Variants in MYH9 observed in about 807,000 individuals in gnomAD.
MYH9 encodes the protein myosin heavy chain 9.
Under a neutral mutation model 241.9 loss-of-function variants are expected in MYH9, and 29 were observed. The ratio of observed to expected loss-of-function variants is 0.12; its 90% CI spans 0.09 to 0.16. The LOEUF is 0.16. Ranked by LOEUF, MYH9 falls within the 10% of genes least tolerant of loss-of-function variation. MYH9 has a pLI of 1.00. For missense variants in MYH9, 1,803 were observed against 2,595.5 expected (o/e 0.69, Z 6.63); for synonymous variants, 1,047 against 1,062.6 (o/e 0.99, Z 0.29).
intron 10 of MYH9, among the ~76,000 whole-genome samples, chr22:36,318,772 T>A (rs1301247978): frequency 6.6e-6 from 1 of 152,128 alleles, no homozygotes; most frequent in Admixed American, 6.5e-5. Context: ...AATGTCTTTT[T>A]TTTTTTTTGA....
intron 14 of MYH9, among the ~76,000 whole-genome samples, chr22:36,310,072 A>G (rs969342693): frequency 6.6e-6 from 1 of 152,036 alleles, no homozygotes; most frequent in Non-Finnish European, 1.5e-5. Context: ...CAACATGGCA[A>G]AACCCCATCT....
Position 36,329,369 on chromosome 22 carries a change from G to A in MYH9, c.491-1881C>T, listed in dbSNP as rs945111633. Among the ~76,000 whole-genome samples, 4 of 152,204 alleles carry A rather than the reference G, an allele frequency of 2.6e-5. No individual in the cohort carries two copies. Among genetic ancestry groups the A allele is most frequent in the Admixed American group, 6.5e-5 (1 of 15,284 alleles). ...ACGGGAAGACAGAAGGGAGGGAGGC[G>A]GCAGGAACCACAGCCTGGGGAAGAC... On this transcript the variant is annotated intron_variant, in intron 3 of 40. Transcript: ENST00000216181. The surrounding 1 kb of genome is among the most constrained non-coding windows in gnomAD (Gnocchi z 4.1).
At chr22:36,348,842 C>CG in intron 2 of MYH9, 62 bp downstream of exon 2, 2 of 9,078 alleles carry the variant, frequency 2.2e-4, no homozygotes. Context: ...GGAAGACCCG[C>CG]CCCCCCCCCC....
At chr22:36,317,649 G>T (rs796290246) in intron 11 of MYH9, among the ~76,000 whole-genome samples, 1 of 152,238 alleles carries the variant, frequency 6.6e-6, no homozygotes, top group Non-Finnish European at 1.5e-5. Context: ...CACCATAAAA[G>T]AAACTAGAAA....
At chr22:36,301,769 G>A in intron 20 of MYH9, 104 bp from the exon 21 acceptor site, 25 of 1,499,374 alleles carry the variant, frequency 1.7e-5, no homozygotes, top group Non-Finnish European at 2.3e-5. Context: ...GAAAGTGAGG[G>A]GCAAGAAGAC....
chr22:36,282,224 G>C lies in MYH9; in HGVS notation c.*444C>G, dbSNP rs1219029998. 3 of 365,220 alleles carry C rather than the reference G, an allele frequency of 8.2e-6. No homozygotes were observed. The highest frequency in any genetic ancestry group is 1.5e-5 in the Non-Finnish European group (3 of 195,450). The allele number at this position is 365,220 out of a possible 1,614,324, so 22.6% of individuals were successfully genotyped here. A position where few individuals can be genotyped will look rare whatever the true frequency, so the allele number is the denominator to read the frequency against. ...ATTGCAAACAGCAAAGAAAGGAGGAGGAGTGGGGGCGCTGGTGGCAGACGT... is the reference window on the plus strand; with the variant it reads ...ATTGCAAACAGCAAAGAAAGGAGGACGAGTGGGGGCGCTGGTGGCAGACGT... On this transcript the variant is annotated 3_prime_UTR_variant, in exon 41 of 41. Transcript: ENST00000216181.
chr22:36,316,974 A>ATGG (rs1248357567), intron 11 of MYH9, among the ~76,000 whole-genome samples: 18 of 152,082 alleles, frequency 1.2e-4, no homozygotes, highest in East Asian at 5.8e-4. Context: ...GCAGTGGTCT[A>ATGG]CGGCCGTACC....
In MYH9 at chr22:36,297,644, T is replaced by C. The variant is rs539244288; in HGVS notation, c.3101-630A>G. 5.9e-5 allele frequency among the ~76,000 whole-genome samples: 9 copies of C among 152,316 alleles called. No homozygotes were observed. In the South Asian group the frequency reaches 1.9e-3, roughly 32 times the overall value. On this transcript the variant is annotated intron_variant, in intron 24 of 40. Coordinates refer to ENST00000216181, the MANE Select transcript of MYH9 (RefSeq NM_002473.6). ...TGTAGCCCGTGAAGTTTCGCTGGAA[T>C]AGATGTGTAAGGACATTTGTCTAGG...
In MYH9 at chr22:36,282,424, C is replaced by G; in HGVS notation, c.*244G>C. 1.6e-6 allele frequency: 1 copy of G among 623,478 alleles called. No homozygotes were observed. Among genetic ancestry groups the G allele is most frequent in the South Asian group, 1.8e-5 (1 of 54,786 alleles). The allele number at this position is 623,478 out of a possible 1,614,324, so 38.6% of individuals were successfully genotyped here. On this transcript the variant is annotated 3_prime_UTR_variant, in exon 41 of 41. Coordinates refer to ENST00000216181, the MANE Select transcript of MYH9 (RefSeq NM_002473.6). ...CTGCTGGTCGCTCTCTGCCTGGGCC[C>G]GGGCCCTGTCTCTTTGGTATCAGAT...
chr22:36,324,978 G>A, intron 5 of MYH9: 1 of 700,276 alleles, frequency 1.4e-6, no homozygotes, highest in Middle Eastern at 2.3e-4. Context: ...TTCAGGACAG[G>A]AACTCCAATG....
chr22:36,375,514 A>AG (rs1490367192), intron 1 of MYH9, among the ~76,000 whole-genome samples: 1 of 152,202 alleles, frequency 6.6e-6, no homozygotes, highest in Admixed American at 6.5e-5. Flanking sequence ...GCCACTGGTG[A>AG]GGGTGGAGGC....
Position 36,288,648 on chromosome 22 carries a change from G to C in MYH9, c.4770+79C>G, listed in dbSNP as rs1477171850. On this transcript the variant is annotated intron_variant, in intron 33 of 40. Coordinates refer to ENST00000216181, the MANE Select transcript of MYH9 (RefSeq NM_002473.6). The surrounding 1 kb of genome is among the most constrained non-coding windows in gnomAD (Gnocchi z 4.8). ...GGTCAAGGGGCCCTAACACAATCCA[G>C]GTGGAAGGAGAGAACAGAAGCCTGC... The C allele has an allele frequency of 3.9e-6, 6 of 1,539,834 alleles. No homozygotes were observed. The highest frequency in any genetic ancestry group is 5.3e-6 in the Non-Finnish European group (6 of 1,126,800).
In MYH9 at chr22:36,296,021, C is replaced by T. The variant is rs538278070; in HGVS notation, c.3273-304G>A. ...GGGAAGAAAAGGAAATAAAACGCTA[C>T]ACCACAGGACAACTGCAACTCAGTA... On this transcript the variant is annotated intron_variant, in intron 25 of 40. Coordinates refer to ENST00000216181, the MANE Select transcript of MYH9 (RefSeq NM_002473.6). Among the ~76,000 whole-genome samples the T allele has an allele frequency of 2.0e-5, 3 of 152,326 alleles. No homozygotes were observed. In the South Asian group the frequency reaches 6.2e-4, roughly 32 times the overall value.
intron 2 of MYH9, among the ~76,000 whole-genome samples, chr22:36,343,793 C>T (rs1007507131): frequency 4.6e-5 from 7 of 152,166 alleles, no homozygotes; most frequent in African/African-American, 1.7e-4. Context: ...TCTGGTTTTT[C>T]CTCTGCGTGA....
At chr22:36,304,938 G>A (rs1024517036) in intron 18 of MYH9, 95 bp downstream of exon 18, 21 of 1,264,066 alleles carry the variant, frequency 1.7e-5, no homozygotes, top group South Asian at 3.6e-5. Context: ...GGCATCCACC[G>A]ACCACTGATA....
At chr22:36,303,030 G>A (rs1406595706) in intron 19 of MYH9, among the ~76,000 whole-genome samples, 1 of 152,152 alleles carries the variant, frequency 6.6e-6, no homozygotes, top group Non-Finnish European at 1.5e-5. Context: ...GGGTGACTCT[G>A]GACTTCAGCT....
chr22:36,319,846 G>T, intron 9 of MYH9: 1 of 653,790 alleles, frequency 1.5e-6, no homozygotes. Flanking sequence ...GGCCGACATG[G>T]CCTGTCCGCA....
intron 6 of MYH9, 111 bp from the exon 7 acceptor site, chr22:36,321,932 G>C: frequency 1.0e-6 from 1 of 994,034 alleles, no homozygotes; most frequent in Non-Finnish European, 1.6e-6. Flanking sequence ...CAGCTTGGAG[G>C]GAGAAAACCC....
chr22:36,387,616 C>T (rs866206934), intron 1 of MYH9, among the ~76,000 whole-genome samples, 191 bp downstream of exon 1: 7 of 151,468 alleles, frequency 4.6e-5, no homozygotes, highest in Admixed American at 3.9e-4. Flanking sequence ...CCCGAGCGCC[C>T]GCGTGGGGGT....
Sources: gnomAD v4.1 joint callset for allele counts (sites outside exome capture counted in the v4.1 genomes callset) on GRCh38, gnomAD v4.1.1 for gene constraint, Gnocchi (gnomAD v3.1) non-coding constraint, MANE v1.5 for transcripts, NCBI Gene and HGNC (gene_info 2026-07-23, HGNC 2026-07-21) for gene names.